ZGRF1: variants seen among roughly 807,000 people sequenced by gnomAD.
The protein encoded by ZGRF1 is zinc finger GRF-type containing 1.
ZGRF1 carries 196 observed loss-of-function variants against 203.5 expected under a neutral mutation model. The ratio of observed to expected loss-of-function variants is 0.96; its 90% confidence interval spans 0.86 to 1.08. The LOEUF is 1.08. ZGRF1 is among the 50% of genes least tolerant of loss of function. The pLI is 0.00. For missense variants in ZGRF1, 2,326 were observed against 2,416.3 expected (o/e 0.96, Z 0.78); for synonymous variants, 809 against 841.3 (o/e 0.96, Z 0.66).
In ZGRF1 at chr4:112,620,158, T is replaced by C. The variant is rs781035271; in HGVS notation, c.195A>G (p.Arg65=). 6.2e-7 allele frequency: 1 copy of C among 1,607,978 alleles called. No individual in the cohort carries two copies. Among genetic ancestry groups the C allele is most frequent in the Non-Finnish European group, 8.5e-7 (1 of 1,178,270 alleles). The part of the protein sequence containing the change: ...VKPGDDLESD[R]YLITVEEVKV... ...TAACCTCTTCAACTGTGATTAAGTATCGATCACTTTCTAAGTCATCTCCAG... is the reference window on the plus strand; with the variant it reads ...TAACCTCTTCAACTGTGATTAAGTACCGATCACTTTCTAAGTCATCTCCAG... Residue 65 remains arginine (R), a synonymous_variant, in exon 5 of 28, where the codon CGA becomes CGG. Coordinates refer to ENST00000505019, the MANE Select transcript of ZGRF1 (RefSeq NM_018392.5).
intron 8 of ZGRF1, 146 bp from the exon 9 acceptor site, chr4:112,606,237 CA>C (rs1394020625): frequency 3.9e-5 from 23 of 590,700 alleles, no homozygotes; most frequent in Non-Finnish European, 6.5e-5. Flanking sequence ...TCTACACACA[CA>C]TACAAGCTAG....
chr4:112,623,710 A>G (rs2047137051), intron 4 of ZGRF1, 107 bp downstream of exon 4: 2 of 642,090 alleles, frequency 3.1e-6, no homozygotes, highest in Admixed American at 3.2e-5. Flanking sequence ...TGTTCAACAA[A>G]TACTATTAGT....
Position 112,587,690 on chromosome 4 carries a change from A to C in ZGRF1, c.3367T>G (p.Phe1123Val). ...IEPEDQNETF[F>V]SEESREVNPG... ...TTCACTTCCCTAGATTCTTCAGAGA[A>C]AAAGGTTTCATTTTGGTCCTCAGGC... Residue 1123 changes from phenylalanine to valine, a missense_variant, in exon 12 of 28, where the codon TTC becomes GTC. By Grantham distance (50) the Phe-to-Val change is conservative (BLOSUM62 -1). Coordinates refer to ENST00000505019, the MANE Select transcript of ZGRF1 (RefSeq NM_018392.5). 1 of 1,609,652 alleles carries C rather than the reference A, an allele frequency of 6.2e-7. No homozygotes were observed. Among genetic ancestry groups the C allele is most frequent in the Non-Finnish European group, 8.5e-7 (1 of 1,177,498 alleles).
rs1737200098 is a variant in ZGRF1, at chr4:112,539,886, C to A, written c.6149G>T (p.Gly2050Val). 5 of 1,613,716 alleles carry A rather than the reference C, an allele frequency of 3.1e-6. No homozygotes were observed. In the African/African-American group the frequency reaches 4.0e-5, roughly 13 times the overall value. Residue 2050 changes from glycine to valine, a missense_variant, in exon 27 of 28, where the codon GGA becomes GTA. Coordinates refer to ENST00000505019, the MANE Select transcript of ZGRF1 (RefSeq NM_018392.5). ...ACCTTCGCAGTGTTGGATCACTCGT[C>A]CCCAAAGTTGATTTTTCCTCAAACA... ...LACLRKNQLW[G>V]RVIQHCEGRE...
intron 16 of ZGRF1, among the ~76,000 whole-genome samples, chr4:112,573,968 A>G (rs1466389915): frequency 6.6e-6 from 1 of 152,210 alleles, no homozygotes; most frequent in Non-Finnish European, 1.5e-5. Context: ...ACCACAATGC[A>G]ATCATCTTAT....
At chr4:112,632,743 A>G (rs2047452282) in intron 2 of ZGRF1, among the ~76,000 whole-genome samples, 1 of 152,234 alleles carries the variant, frequency 6.6e-6, no homozygotes, top group African/African-American at 2.4e-5. Context: ...TAAGTGTTAA[A>G]GAGTCCCGAG....
intron 9 of ZGRF1, among the ~76,000 whole-genome samples, chr4:112,604,116 C>T (rs576660678): frequency 6.6e-5 from 10 of 151,718 alleles, no homozygotes; most frequent in Non-Finnish European, 1.5e-4. Flanking sequence ...CTCAGCTACT[C>T]GGGAGGCTGA....
intron 10 of ZGRF1, among the ~76,000 whole-genome samples, chr4:112,595,747 T>C (rs982648346): frequency 2.0e-5 from 3 of 152,150 alleles, no homozygotes; most frequent in Non-Finnish European, 2.9e-5. Flanking sequence ...ACTGAACTGG[T>C]TGAAATAGTA....
chr4:112,593,702 T>G (rs1205112289), intron 10 of ZGRF1, among the ~76,000 whole-genome samples: 1 of 152,220 alleles, frequency 6.6e-6, no homozygotes, highest in East Asian at 1.9e-4. Context: ...ATGCTGTTTC[T>G]TTGCATGGTA....
Position 112,554,827 on chromosome 4 carries a change from G to T in ZGRF1, c.5121-45C>A, listed in dbSNP as rs913984534. The T allele has an allele frequency of 3.8e-6, 4 of 1,058,016 alleles. No individual in the cohort carries two copies. The African/African-American group carries it at 6.4e-5, about 17-fold the overall frequency. 65.5% of individuals were successfully genotyped at this position (1,058,016 alleles called of 1,614,324 possible). On this transcript the variant is annotated intron_variant, in intron 20 of 27. Transcript: ENST00000505019. ...ATAGATTCTGATTATTTAGGAAACA[G>T]AATATAAAGTTTCATATAATAACTG...
intron 16 of ZGRF1, among the ~76,000 whole-genome samples, chr4:112,571,148 T>G (rs1744140567): frequency 6.7e-6 from 1 of 149,376 alleles, no homozygotes; most frequent in Non-Finnish European, 1.5e-5. Context: ...CTTACAGCCC[T>G]AATAATTATA....
chr4:112,565,324 A>C (rs1742834203), intron 16 of ZGRF1: 1 of 1,406,660 alleles, frequency 7.1e-7, no homozygotes, highest in African/African-American at 1.4e-5. Context: ...CCTGTGTGCT[A>C]TCCATGCCAA....
intron 10 of ZGRF1, among the ~76,000 whole-genome samples, chr4:112,600,042 T>C (rs1560834127): frequency 1.3e-5 from 2 of 152,042 alleles, no homozygotes; most frequent in African/African-American, 4.8e-5. Context: ...CTTGAGGTAA[T>C]GTTTTTTTTT....
chr4:112,611,022 G>C (rs763458090), intron 7 of ZGRF1: 1 of 213,542 alleles, frequency 4.7e-6, no homozygotes, highest in South Asian at 5.2e-5. Context: ...ACTGTTTTCT[G>C]TATTTAGAAA....
At chr4:112,552,415 A>G (rs2148856451) in intron 22 of ZGRF1, among the ~76,000 whole-genome samples, 1 of 152,362 alleles carries the variant, frequency 6.6e-6, no homozygotes, top group Admixed American at 6.5e-5. Context: ...CAAATGAGCA[A>G]TAGATCATAG....
intron 24 of ZGRF1, among the ~76,000 whole-genome samples, chr4:112,542,828 TTTC>T (rs1737942800): frequency 6.6e-6 from 1 of 151,910 alleles, no homozygotes; most frequent in Non-Finnish European, 1.5e-5. Flanking sequence ...TCTTTCTTTC[TTTC>T]TTGTTTCAAA....
Position 112,581,940 on chromosome 4 carries a change from T to C in ZGRF1, c.4299-138A>G, listed in dbSNP as rs1410941119. On this transcript the variant is annotated intron_variant, in intron 15 of 27. Transcript: ENST00000505019. ...CATACATGTATACAAAATATAAATATACTGTATCAAAGTAAGAAAATAACA... is the reference window on the plus strand; with the variant it reads ...CATACATGTATACAAAATATAAATACACTGTATCAAAGTAAGAAAATAACA... The C allele has an allele frequency of 1.2e-5, 5 of 405,420 alleles. No individual in the cohort carries two copies. In the Admixed American group the frequency reaches 1.8e-4, roughly 15 times the overall value. The allele number at this position is 405,420 out of a possible 1,614,324, so 25.1% of individuals were successfully genotyped here.
At chr4:112,572,977 C>T (rs1233971606) in intron 16 of ZGRF1, among the ~76,000 whole-genome samples, 1 of 152,122 alleles carries the variant, frequency 6.6e-6, no homozygotes, top group African/African-American at 2.4e-5. Context: ...CAGTGGAAAA[C>T]AGTGTGGAGA....
At chr4:112,571,707 T>A (rs1047233569) in intron 16 of ZGRF1, among the ~76,000 whole-genome samples, 4 of 152,186 alleles carry the variant, frequency 2.6e-5, no homozygotes, top group Middle Eastern at 3.2e-3. Context: ...ATTTTAAAGA[T>A]GTCATCCCTT....
Sources: allele counts gnomAD v4.1 joint callset (sites outside exome capture counted in the v4.1 genomes callset), GRCh38; gene constraint gnomAD v4.1.1; transcripts MANE v1.5; gene names NCBI Gene and HGNC (gene_info 2026-07-23, HGNC 2026-07-21).